Variants in CNTNAP5 observed in about 807,000 individuals in gnomAD.
CNTNAP5 encodes contactin-associated protein-like 5.
In CNTNAP5, 72 loss-of-function variants were observed where a neutral mutation model predicts 150.2. That is an observed-to-expected ratio of 0.48 (90% CI 0.40 to 0.58). CNTNAP5 has a LOEUF of 0.58. CNTNAP5 is among the 20% of genes least tolerant of loss of function. CNTNAP5 has a pLI of 0.00. For missense variants in CNTNAP5, 1,636 were observed against 1,626.2 expected (o/e 1.01, Z -0.10); for synonymous variants, 672 against 619.8 (o/e 1.08, Z -1.25).
chr2:124,706,880 A>AGGAAGAAGGAGAAGG (rs1679666079), intron 13 of CNTNAP5, among the ~76,000 whole-genome samples: 8 of 46,048 alleles, frequency 1.7e-4, no homozygotes, highest in South Asian at 1.0e-3. Context: ...GAAAGGGAAG[A>AGGAAGAAGGAGAAGG]AGAAGAGGAA....
intron 4 of CNTNAP5, among the ~76,000 whole-genome samples, chr2:124,429,245 G>GT (rs555460092): frequency 3.3e-5 from 5 of 151,562 alleles, no homozygotes; most frequent in African/African-American, 1.2e-4. Context: ...AACTCATCCT[G>GT]TTTTTTTTCA....
chr2:124,484,852 C>T (rs1442395877), intron 7 of CNTNAP5, among the ~76,000 whole-genome samples: 4 of 152,212 alleles, frequency 2.6e-5, no homozygotes, highest in Admixed American at 6.5e-5. Flanking sequence ...AGCTCATCCA[C>T]AGACAGCAGC....
At chr2:124,231,341 T>A (rs1297411755) in intron 2 of CNTNAP5, among the ~76,000 whole-genome samples, 1 of 152,188 alleles carries the variant, frequency 6.6e-6, no homozygotes, top group Admixed American at 6.5e-5. Context: ...ACTCTGGTAC[T>A]CATTTTTCTC....
chr2:124,336,525 T>G (rs1044222172), intron 3 of CNTNAP5, among the ~76,000 whole-genome samples: 2 of 71,078 alleles, frequency 2.8e-5, no homozygotes, highest in African/African-American at 5.8e-5. Flanking sequence ...CCCTCCCCCC[T>G]CCCCCCACCC....
intron 1 of CNTNAP5, among the ~76,000 whole-genome samples, chr2:124,066,728 A>G (rs1220734833): frequency 6.6e-6 from 1 of 152,186 alleles, no homozygotes; most frequent in Non-Finnish European, 1.5e-5. Context: ...AACAGAGATT[A>G]AATAGACATC....
intron 3 of CNTNAP5, among the ~76,000 whole-genome samples, chr2:124,250,115 G>A (rs987064252): frequency 4.8e-4 from 73 of 152,096 alleles, no homozygotes; most frequent in African/African-American, 1.7e-3. Context: ...TAAAGTGGAT[G>A]TAATGAGGGT....
At chr2:124,240,645 C>T (rs1686861157) in intron 2 of CNTNAP5, among the ~76,000 whole-genome samples, 1 of 149,268 alleles carries the variant, frequency 6.7e-6, no homozygotes, top group African/African-American at 2.5e-5. Flanking sequence ...TTTGAATCTT[C>T]TCAGGAATGG....
chr2:124,095,987 G>A (rs1030233329), intron 1 of CNTNAP5, among the ~76,000 whole-genome samples: 1 of 152,110 alleles, frequency 6.6e-6, no homozygotes, highest in Admixed American at 6.5e-5. Context: ...GATTGCAGAG[G>A]AGAGATTCAA....
At chr2:124,765,990 A>G (rs1375598498) in intron 16 of CNTNAP5, among the ~76,000 whole-genome samples, 2 of 152,134 alleles carry the variant, frequency 1.3e-5, no homozygotes, top group African/African-American at 4.8e-5. Context: ...AAATAAAAAT[A>G]AACAGTAGCT....
intron 18 of CNTNAP5, among the ~76,000 whole-genome samples, chr2:124,797,672 A>C (rs1031204434): frequency 8.5e-5 from 13 of 152,240 alleles, no homozygotes; most frequent in Non-Finnish European, 1.8e-4. Flanking sequence ...AGAAGAACAC[A>C]AACTAGAACT....
rs138142832 is a variant in CNTNAP5, at chr2:124,556,233, C to T, written c.1650-6984C>T. ...ACCTTCCTGACTCTGTCGCTTTGTACTTGGACAAGTTATTCACCCTCATCT... is the reference window on the plus strand; with the variant it reads ...ACCTTCCTGACTCTGTCGCTTTGTATTTGGACAAGTTATTCACCCTCATCT... On this transcript the variant is annotated intron_variant, in intron 10 of 23. Transcript: ENST00000682447. 6.1e-3 allele frequency among the ~76,000 whole-genome samples: 928 copies of T among 152,278 alleles called. 1 individual carries two copies. Among genetic ancestry groups the T allele is most frequent in the Middle Eastern group, 0.027 (8 of 294 alleles).
chr2:124,461,420 C>T (rs10084271), intron 6 of CNTNAP5, among the ~76,000 whole-genome samples: 70,637 of 150,074 alleles, frequency 0.47, 16,710 homozygotes, highest in Middle Eastern at 0.61. Context: ...AGTAAACTAT[C>T]GCAAGAACAA....
At chr2:124,558,847 G>A (rs1695822363) in intron 10 of CNTNAP5, among the ~76,000 whole-genome samples, 3 of 152,154 alleles carry the variant, frequency 2.0e-5, no homozygotes, top group Admixed American at 2.0e-4. Context: ...GAGAGAGCAT[G>A]TTCTGCTGAA....
At chr2:124,092,245 A>C (rs1682832760) in intron 1 of CNTNAP5, among the ~76,000 whole-genome samples, 1 of 152,252 alleles carries the variant, frequency 6.6e-6, no homozygotes, top group East Asian at 1.9e-4. Context: ...AGCCAGAGTT[A>C]CATTTCTGTG....
intron 13 of CNTNAP5, among the ~76,000 whole-genome samples, chr2:124,682,446 G>T (rs1679089959): frequency 6.6e-6 from 1 of 152,128 alleles, no homozygotes; most frequent in Non-Finnish European, 1.5e-5. Flanking sequence ...ACAAAGTGTT[G>T]ACTGTGCTCT....
At chr2:124,384,148 C>T (rs533180323) in intron 3 of CNTNAP5, among the ~76,000 whole-genome samples, 1 of 152,114 alleles carries the variant, frequency 6.6e-6, no homozygotes, top group Non-Finnish European at 1.5e-5. Flanking sequence ...CTGTATGTCC[C>T]TATGTGGTTA....
chr2:124,881,764 C>T (rs1001180163), intron 21 of CNTNAP5, among the ~76,000 whole-genome samples: 3 of 152,092 alleles, frequency 2.0e-5, no homozygotes, highest in Non-Finnish European at 4.4e-5. Flanking sequence ...TAGCTGCTTC[C>T]TTGGGAAAAG....
intron 3 of CNTNAP5, among the ~76,000 whole-genome samples, chr2:124,396,045 T>G (rs1375718577): frequency 6.6e-6 from 1 of 152,172 alleles, no homozygotes; most frequent in Non-Finnish European, 1.5e-5. Flanking sequence ...CCAATGACAT[T>G]GAGCAGTCTA....
intron 4 of CNTNAP5, among the ~76,000 whole-genome samples, chr2:124,430,595 G>A (rs569208967): frequency 2.6e-4 from 39 of 152,250 alleles, no homozygotes; most frequent in Non-Finnish European, 4.1e-4. Flanking sequence ...TTAATTATCA[G>A]GGCAAAGGAA....
Sources: gnomAD v4.1 joint callset for allele counts (sites outside exome capture counted in the v4.1 genomes callset) on GRCh38, gnomAD v4.1.1 for gene constraint, MANE v1.5 for transcripts, NCBI Gene and HGNC (gene_info 2026-07-23, HGNC 2026-07-21) for gene names.